Variants in ATRNL1 observed in about 807,000 individuals in gnomAD.
ATRNL1 encodes attractin-like protein 1.
In ATRNL1, 95 loss-of-function variants were observed where a neutral mutation model predicts 182.7. The ratio of observed to expected loss-of-function variants is 0.52; its 90% confidence interval spans 0.44 to 0.62. The LOEUF is 0.62. ATRNL1 is among the 20% of genes least tolerant of loss of function. The pLI is 0.00. For missense variants in ATRNL1, 1,471 were observed against 1,679.5 expected (o/e 0.88, Z 2.17); for synonymous variants, 576 against 568.3 (o/e 1.01, Z -0.19).
At chr10:115,873,424 T>A (rs1396674526) in intron 28 of ATRNL1, among the ~76,000 whole-genome samples, 1 of 152,210 alleles carries the variant, frequency 6.6e-6, no homozygotes, top group Non-Finnish European at 1.5e-5. Flanking sequence ...ATATACTGTA[T>A]GATTTTAAGA....
Position 115,469,328 on chromosome 10 carries a change from A to G in ATRNL1, c.3653A>G (p.Gln1218Arg). 6.6e-7 allele frequency: 1 copy of G among 1,515,550 alleles called. No individual in the cohort carries two copies. Among genetic ancestry groups the G allele is most frequent in the Non-Finnish European group, 8.8e-7 (1 of 1,132,718 alleles). The allele number at this position is 1,515,550 out of a possible 1,614,324, so 93.9% of individuals were successfully genotyped here. ...VSNFSWPIKI[Q>R]IAFSQHNTIM... The stretch of plus-strand genomic sequence containing the variant: ...AACTTTTCCTGGCCTATTAAAATAC[A>G]GGTAAGTGTTAAGAGTATTTACTTC... Residue 1218 changes from glutamine to arginine, a missense_variant and splice_region_variant, in exon 24 of 29, where the codon CAG becomes CGG. Coordinates refer to ENST00000355044, the MANE Select transcript of ATRNL1 (RefSeq NM_207303.4).
At chr10:115,277,999 T>C (rs139703229) in intron 13 of ATRNL1, among the ~76,000 whole-genome samples, 33 of 152,274 alleles carry the variant, frequency 2.2e-4, no homozygotes, top group African/African-American at 6.7e-4. Flanking sequence ...TTAGTTTGAG[T>C]TGTGACAGTC....
chr10:115,218,121 A>G (rs755866116), intron 9 of ATRNL1, among the ~76,000 whole-genome samples: 1 of 151,920 alleles, frequency 6.6e-6, no homozygotes, highest in Non-Finnish European at 1.5e-5. Flanking sequence ...AAACAATTAT[A>G]CAACTCACCA....
chr10:115,291,130 G>A (rs1234801345), intron 15 of ATRNL1, among the ~76,000 whole-genome samples: 3 of 152,078 alleles, frequency 2.0e-5, no homozygotes, highest in Non-Finnish European at 2.9e-5. Flanking sequence ...AATGATTTTG[G>A]AGCTGCTTTT....
intron 26 of ATRNL1, among the ~76,000 whole-genome samples, chr10:115,550,796 A>T (rs534936868): frequency 2.0e-5 from 3 of 151,958 alleles, no homozygotes; most frequent in South Asian, 4.1e-4. Flanking sequence ...AATCATAATT[A>T]TAGGCAGGTA....
intron 8 of ATRNL1, among the ~76,000 whole-genome samples, chr10:115,215,243 T>C (rs1263556422): frequency 1.3e-5 from 2 of 152,120 alleles, no homozygotes; most frequent in African/African-American, 4.8e-5. Flanking sequence ...GTGGGGCTTA[T>C]AACCAACAAA....
At chr10:115,097,476 ACT>A (rs1391429327) in intron 1 of ATRNL1, among the ~76,000 whole-genome samples, 1 of 152,064 alleles carries the variant, frequency 6.6e-6, no homozygotes, top group Non-Finnish European at 1.5e-5. Context: ...TCAGAGCGAG[ACT>A]CTTCTTAAAA....
intron 24 of ATRNL1, among the ~76,000 whole-genome samples, chr10:115,500,453 T>C (rs1554979837): frequency 6.6e-6 from 1 of 152,166 alleles, no homozygotes; most frequent in Non-Finnish European, 1.5e-5. Context: ...AATTTTTTTT[T>C]CTCCAGTTTC....
intron 6 of ATRNL1, among the ~76,000 whole-genome samples, chr10:115,163,762 A>G (rs1899718): frequency 0.22 from 33,574 of 152,180 alleles, 4,740 homozygotes; most frequent in Non-Finnish European, 0.31. Context: ...GGCCCTTTAC[A>G]GAAATAGTTT....
chr10:115,688,371 T>A (rs1946286275), intron 26 of ATRNL1, among the ~76,000 whole-genome samples: 1 of 152,074 alleles, frequency 6.6e-6, no homozygotes, highest in Admixed American at 6.6e-5. Flanking sequence ...ATACTTTAAG[T>A]TTTATGAGAA....
intron 27 of ATRNL1, among the ~76,000 whole-genome samples, chr10:115,834,067 GTCTT>G (rs1239367533): frequency 6.6e-6 from 1 of 152,158 alleles, no homozygotes; most frequent in African/African-American, 2.4e-5. Flanking sequence ...GCGACCGACT[GTCTT>G]TCTATCTACA....
At chr10:115,682,496 G>A (rs1363342362) in intron 26 of ATRNL1, among the ~76,000 whole-genome samples, 6 of 152,012 alleles carry the variant, frequency 3.9e-5, no homozygotes, top group South Asian at 2.1e-4. Flanking sequence ...AGCCAAGATC[G>A]CACCACTGCA....
chr10:115,367,838 CA>C (rs1857140286), intron 19 of ATRNL1, among the ~76,000 whole-genome samples: 2 of 147,406 alleles, frequency 1.4e-5, no homozygotes, highest in African/African-American at 5.0e-5. Flanking sequence ...GCTCGGGGGT[CA>C]GGGGTCAGGG....
chr10:115,195,953 A>T (rs1006363709), intron 8 of ATRNL1, among the ~76,000 whole-genome samples: 4 of 151,984 alleles, frequency 2.6e-5, no homozygotes, highest in African/African-American at 9.7e-5. Context: ...GATATTTGTG[A>T]TCCATTTGAG....
At chr10:115,732,156 T>G (rs1324011901) in intron 27 of ATRNL1, among the ~76,000 whole-genome samples, 2 of 152,180 alleles carry the variant, frequency 1.3e-5, no homozygotes, top group African/African-American at 4.8e-5. Context: ...ATAAACATGT[T>G]TACATTTTTT....
chr10:115,595,454 T>G (rs1419199577), intron 26 of ATRNL1, among the ~76,000 whole-genome samples: 8 of 152,242 alleles, frequency 5.3e-5, no homozygotes, highest in Non-Finnish European at 8.8e-5. Context: ...GTGCTTTCAC[T>G]TTGAATTTGG....
intron 19 of ATRNL1, among the ~76,000 whole-genome samples, chr10:115,337,658 G>C (rs943799626): frequency 6.6e-6 from 1 of 152,090 alleles, no homozygotes; most frequent in Admixed American, 6.6e-5. Context: ...TTGTCTTTCT[G>C]TGCCTGTCTT....
At chr10:115,209,315 G>T (rs1848927517) in intron 8 of ATRNL1, among the ~76,000 whole-genome samples, 1 of 150,866 alleles carries the variant, frequency 6.6e-6, no homozygotes, top group Non-Finnish European at 1.5e-5. Context: ...GGCAATCATA[G>T]AGCCTACACT....
intron 25 of ATRNL1, among the ~76,000 whole-genome samples, chr10:115,542,255 A>ATCTGTTACAGATTTTGAGGT (rs1248551926): frequency 6.6e-6 from 1 of 152,114 alleles, no homozygotes; most frequent in Non-Finnish European, 1.5e-5. Context: ...TAGCCTCAAA[A>ATCTGTTACAGATTTTGAGGT]TCTGTTACAG....
Sources: allele counts gnomAD v4.1 joint callset (sites outside exome capture counted in the v4.1 genomes callset), GRCh38; gene constraint gnomAD v4.1.1; transcripts MANE v1.5; gene names NCBI Gene and HGNC (gene_info 2026-07-23, HGNC 2026-07-21).